Variants in RPL12 observed in about 807,000 individuals in gnomAD.
The protein encoded by RPL12 is large ribosomal subunit protein uL11.
In RPL12, 10 loss-of-function variants were observed where a neutral mutation model predicts 24.5. The ratio of observed to expected loss-of-function variants is 0.41; its 90% CI spans 0.25 to 0.69. The LOEUF is 0.69. Ranked by LOEUF, RPL12 falls within the 30% of genes least tolerant of loss-of-function variation. The probability of loss-of-function intolerance (pLI) is 0.33; values close to 1 mark genes in which losing one functional copy is unlikely to be tolerated. For missense variants in RPL12, 137 were observed against 205.3 expected, an observed-to-expected ratio of 0.67 and a Z score of 2.03; for synonymous variants, 74 against 76.1, an observed-to-expected ratio of 0.97 and a Z score of 0.14.
rs1325515968 is a variant in RPL12 at position 127,451,324 on chromosome 9, G to A, written c.-7C>T. The A allele has an allele frequency of 2.5e-6, 4 of 1,612,362 alleles. No homozygotes were observed. Among genetic ancestry groups the A allele is most frequent in the Non-Finnish European group, 3.4e-6 (4 of 1,179,960 alleles). On this transcript the variant is annotated 5_prime_UTR_variant, in exon 1 of 7. Coordinates refer to ENST00000361436, the MANE Select transcript of RPL12 (RefSeq NM_000976.4). ...GGTCGAACTTCGGCGGCATGGTGGA[G>A]GCGGCTGGTGTCGGATGAACCCGGA...
Position 127,447,676 on chromosome 9 carries a change from C to T in RPL12, c.*45G>A. On this transcript the variant is annotated 3_prime_UTR_variant, in exon 7 of 7. Coordinates refer to ENST00000361436, the MANE Select transcript of RPL12 (RefSeq NM_000976.4). The stretch of plus-strand genomic sequence containing the variant: ...AAGGAAGACGCCACACCAGAAAATC[C>T]ACCAGTTGTCAAATGATCCTTTATT... 4 of 1,612,468 alleles carry T rather than the reference C, an allele frequency of 2.5e-6. No individual in the cohort carries two copies. The highest frequency in any genetic ancestry group is 2.5e-6 in the Non-Finnish European group (3 of 1,179,172).
At chr9:127,450,596 T>TAAC in intron 2 of RPL12, 135 bp downstream of exon 2, 3 of 622,380 alleles carry the variant, frequency 4.8e-6, no homozygotes, top group Non-Finnish European at 8.4e-6. Context: ...TACCTAGTAC[T>TAAC]TGTTCAGTGG....
intron 4 of RPL12, 48 bp from the exon 5 acceptor site, chr9:127,448,471 G>T: frequency 8.3e-7 from 1 of 1,207,704 alleles, no homozygotes. Context: ...TGAAGCCAAA[G>T]CAGATCATGT....
rs371916189 is a variant in RPL12, at chr9:127,447,883, G to T, written c.486C>A (p.Cys162Ter). ...CAATGAAAATGTCACTTACGGCTGG[G>T]CATTCCACAGCACCACTGTTGATGT... ...IDDINSGAVE[C>*]PAS Residue 162 changes from cysteine (C) to a stop codon, truncating the protein, a stop_gained, in exon 6 of 7, where the codon TGC becomes TGA. Coordinates refer to ENST00000361436, the MANE Select transcript of RPL12 (RefSeq NM_000976.4). LOFTEE classifies it high-confidence loss of function. The T allele has an allele frequency of 4.0e-5, 65 of 1,612,108 alleles. No individual in the cohort carries two copies. The highest frequency in any genetic ancestry group is 5.0e-5 in the Non-Finnish European group (59 of 1,179,212).
intron 2 of RPL12, chr9:127,450,419 C>G: frequency 3.4e-6 from 1 of 296,370 alleles, no homozygotes; most frequent in East Asian, 6.7e-5. Flanking sequence ...CACTTCCTGA[C>G]GAGGAAATAC....
chr9:127,449,735 T>C (rs1179469410), intron 2 of RPL12, 27 bp from the exon 3 acceptor site: 1 of 1,577,294 alleles, frequency 6.3e-7, no homozygotes, highest in Non-Finnish European at 8.7e-7. Flanking sequence ...GTAATCAACA[T>C]GGTGTCCAGA....
chr9:127,447,903 T>G lies in RPL12; in HGVS notation c.466A>C (p.Asn156His). The change falls in exon 6 of 7, where the codon AAC becomes CAC. Residue 156 changes from asparagine (N) to histidine (H), a missense_variant. Around this residue, in one of 3 missense-constraint regions of RPL12, gnomAD observed 118 missense variants for 160.7 expected, o/e 0.73. Transcript: ENST00000361436. ...RHPHDIIDDI[N>H]SGAVECPAS Reference sequence around the variant, plus strand: ...GCTGGGCATTCCACAGCACCACTGTTGATGTCATCGATGATGTCATGAGGA... The same window carrying G: ...GCTGGGCATTCCACAGCACCACTGTGGATGTCATCGATGATGTCATGAGGA... The G allele has an allele frequency of 6.2e-7, 1 of 1,613,750 alleles. No individual in the cohort carries two copies. The highest frequency in any genetic ancestry group is 8.5e-7 in the Non-Finnish European group (1 of 1,179,878).
At chr9:127,447,835 C>T (rs777795798) in intron 6 of RPL12, 42 bp downstream of exon 6, 3 of 1,609,984 alleles carry the variant, frequency 1.9e-6, no homozygotes, top group Non-Finnish European at 2.5e-6. Flanking sequence ...CACTGGGTGG[C>T]CCCCCTTTCA....
rs138383878 is a variant in RPL12, at chr9:127,448,414, C to T, written c.302G>A (p.Ser101Asn). 2 of 1,610,186 alleles carry T rather than the reference C, an allele frequency of 1.2e-6. No individual in the cohort carries two copies. The highest frequency in any genetic ancestry group is 1.7e-6 in the Non-Finnish European group (2 of 1,176,418). The stretch of plus-strand genomic sequence containing the variant: ...AATCTCATCAAAAGTGATATTCCCA[C>T]TGTGTTTAACTGCAGAAGAGGAAAC... ...DRKKQKNIKHSGNITFDEIVN... is the reference protein window; with the variant it reads ...DRKKQKNIKHNGNITFDEIVN... Residue 101 changes from serine to asparagine, a missense_variant, in exon 5 of 7, where the codon AGT becomes AAT. Transcript: ENST00000361436.
rs529320034 is a variant in RPL12, at chr9:127,451,185, G to A, written c.37+96C>T. On this transcript the variant is annotated intron_variant, in intron 1 of 6. Transcript: ENST00000361436. Reference sequence around the variant, plus strand: ...ACACCGGGAAGGTCTCTGGGAGGCAGCGGCTTTAAGAGCCCCATACGGGGA... The same window carrying A: ...ACACCGGGAAGGTCTCTGGGAGGCAACGGCTTTAAGAGCCCCATACGGGGA... 15 of 1,505,260 alleles carry A rather than the reference G, an allele frequency of 1.0e-5. No individual in the cohort carries two copies. The South Asian group carries it at 1.3e-4, about 13-fold the overall frequency. 93.2% of individuals were successfully genotyped at this position (1,505,260 alleles called of 1,614,324 possible).
intron 1 of RPL12, 92 bp from the exon 2 acceptor site, chr9:127,450,896 G>T: frequency 1.0e-6 from 1 of 989,988 alleles, no homozygotes; most frequent in Non-Finnish European, 1.5e-6. Context: ...GCCACCCTCT[G>T]CCTCTTCTCG....
chr9:127,448,280 T>C lies in RPL12; in HGVS notation c.379+57A>G, dbSNP rs768808321. 1.9e-5 allele frequency: 26 copies of C among 1,350,736 alleles called. No individual in the cohort carries two copies. The South Asian group carries it at 2.6e-4, about 13-fold the overall frequency. 83.7% of individuals were successfully genotyped at this position (1,350,736 alleles called of 1,614,324 possible). Reference sequence around the variant, plus strand: ...CACCCTTCAAGTAAGAAGAATGTTATCACTCAGTGAAAAACACAACTACAG... The same window carrying C: ...CACCCTTCAAGTAAGAAGAATGTTACCACTCAGTGAAAAACACAACTACAG... On this transcript the variant is annotated intron_variant, in intron 5 of 6. Coordinates refer to ENST00000361436, the MANE Select transcript of RPL12 (RefSeq NM_000976.4).
Position 127,449,687 on chromosome 9 carries a change from C to T in RPL12, c.133G>A (p.Asp45Asn). Residue 45 changes from aspartate (D) to asparagine (N), a missense_variant, in exon 3 of 7, where the codon GAC becomes AAC. Transcript: ENST00000361436. ...CAGTCACCCGTTGCCTTGGCAATGT[C>T]ATCACCAACTTTTTTTGGAGACTAG... is the stretch of plus-strand genomic sequence containing the variant. The part of the protein sequence containing the change: ...LGLSPKKVGD[D>N]IAKATGDWKG... The T allele has an allele frequency of 6.2e-7, 1 of 1,613,828 alleles. No homozygotes were observed. The highest frequency in any genetic ancestry group is 8.5e-7 in the Non-Finnish European group (1 of 1,179,966).
intron 1 of RPL12, 62 bp from the exon 2 acceptor site, chr9:127,450,866 G>T: frequency 7.7e-7 from 1 of 1,294,800 alleles, no homozygotes; most frequent in Non-Finnish European, 1.1e-6. Context: ...CCCTCTCAGC[G>T]TCTTTCCGGG....
rs201459214 is a variant in RPL12 at position 127,447,833 on chromosome 9, G to A, written c.492+44C>T. 75 of 1,610,620 alleles carry A rather than the reference G, an allele frequency of 4.7e-5. No homozygotes were observed. In the African/African-American group the frequency reaches 5.3e-4, roughly 11 times the overall value. On this transcript the variant is annotated intron_variant, in intron 6 of 6. Coordinates refer to ENST00000361436, the MANE Select transcript of RPL12 (RefSeq NM_000976.4). The stretch of plus-strand genomic sequence containing the variant: ...GCTTATCTCTGTGAATACACTGGGT[G>A]GCCCCCCTTTCACCCCTACTGTAAC...
In RPL12 at chr9:127,449,929, C is replaced by A. The variant is rs1264127443; in HGVS notation, c.112-221G>T. 4 of 541,048 alleles carry A rather than the reference C, an allele frequency of 7.4e-6. No homozygotes were observed. The African/African-American group carries it at 7.6e-5, about 10-fold the overall frequency. The allele number at this position is 541,048 out of a possible 1,614,324, so 33.5% of individuals were successfully genotyped here. On this transcript the variant is annotated intron_variant, in intron 2 of 6. Coordinates refer to ENST00000361436, the MANE Select transcript of RPL12 (RefSeq NM_000976.4). ...GGCCACAATGTAACCTAGACCCCCT[C>A]CTAAGTGCCCATGTGCTTAAGGAGG...
intron 2 of RPL12, chr9:127,450,526 T>C (rs1441668398): frequency 3.8e-6 from 2 of 533,070 alleles, no homozygotes; most frequent in East Asian, 3.5e-5. Context: ...TGGAGACACA[T>C]GGAGCTAATT....
chr9:127,451,040 C>T, intron 1 of RPL12: 1 of 650,422 alleles, frequency 1.5e-6, no homozygotes, highest in South Asian at 2.1e-5. Flanking sequence ...CGCCCGGAGA[C>T]AAGCCTTACC....
rs765780655 is a variant in RPL12 at position 127,451,361 on chromosome 9, C to A, written c.-44G>T. The A allele has an allele frequency of 2.3e-5, 37 of 1,610,172 alleles. No individual in the cohort carries two copies. Among genetic ancestry groups the A allele is most frequent in the Non-Finnish European group, 3.1e-5 (36 of 1,179,416 alleles). On this transcript the variant is annotated 5_prime_UTR_variant, in exon 1 of 7. Transcript: ENST00000361436. ...CGGATGAACCCGGATTCGGGACGAC[C>A]GAAGGAAGTTGCACCTTGGCCTCCT...
Sources: allele counts gnomAD v4.1 joint callset, GRCh38; gene constraint gnomAD v4.1.1; regional missense constraint gnomAD v4.1.1; transcripts MANE v1.5; gene names NCBI Gene and HGNC (gene_info 2026-07-23, HGNC 2026-07-21).